Variants in STK3 observed in about 807,000 individuals in gnomAD.
The protein encoded by STK3 is serine/threonine kinase 3, also known as serine/threonine-protein kinase 3.
Under a neutral mutation model 58.0 loss-of-function variants are expected in STK3, and 41 were observed. That is an observed-to-expected ratio of 0.71 (90% CI 0.55 to 0.92). The LOEUF is 0.92. STK3 is among the 40% of genes least tolerant of loss of function. The pLI is 0.00. For missense variants in STK3, 479 were observed against 602.7 expected (o/e 0.79, Z 2.15); for synonymous variants, 170 against 191.0 (o/e 0.89, Z 0.91).
chr8:98,544,330 A>T (rs900748170), intron 9 of STK3, among the ~76,000 whole-genome samples: 1 of 152,164 alleles, frequency 6.6e-6, no homozygotes, highest in African/African-American at 2.4e-5. Flanking sequence ...AAGTTTGGGT[A>T]ATGTAATTTT....
chr8:98,784,488 A>T (rs991761874), intron 1 of STK3, among the ~76,000 whole-genome samples: 1 of 152,254 alleles, frequency 6.6e-6, no homozygotes, highest in African/African-American at 2.4e-5. Flanking sequence ...CCTGTGGTGC[A>T]GCAGGGCCCT....
intron 3 of STK3, among the ~76,000 whole-genome samples, chr8:98,420,556 G>A (rs917175234): frequency 2.0e-5 from 3 of 152,144 alleles, no homozygotes; most frequent in Non-Finnish European, 4.4e-5. Flanking sequence ...GATAAGGGGG[G>A]AATGCTGTAT....
At chr8:98,814,587 G>T (rs1266644500) in intron 1 of STK3, among the ~76,000 whole-genome samples, 1 of 152,012 alleles carries the variant, frequency 6.6e-6, no homozygotes, top group African/African-American at 2.4e-5. Flanking sequence ...GCCTGCTGCA[G>T]CCACAACCCC....
chr8:98,387,873 C>T (rs73701553), intron 1 of STK3, among the ~76,000 whole-genome samples: 10,247 of 134,594 alleles, frequency 0.076, 920 homozygotes, highest in African/African-American at 0.19. Context: ...GTAAAATGCC[C>T]TTTTTTTTTT....
intron 1 of STK3, among the ~76,000 whole-genome samples, chr8:98,931,872 T>A (rs774536314): frequency 6.6e-6 from 1 of 152,260 alleles, no homozygotes; most frequent in Non-Finnish European, 1.5e-5. Flanking sequence ...CCTTCACTAA[T>A]GAATGGTCCC....
chr8:98,898,095 G>A (rs1382414191), intron 1 of STK3, among the ~76,000 whole-genome samples: 2 of 152,214 alleles, frequency 1.3e-5, no homozygotes, highest in Non-Finnish European at 2.9e-5. Flanking sequence ...AGGTTTGCTA[G>A]GAGAAGAAGC....
chr8:98,351,416 T>C, the STK3 span, among the ~76,000 whole-genome samples: 2 of 152,162 alleles, frequency 1.3e-5, no homozygotes, highest in Non-Finnish European at 2.9e-5. Context: ...ATAATAATGA[T>C]GGTAGGATTA....
chr8:98,721,254 T>C (rs909869700), intron 4 of STK3: 1 of 337,262 alleles, frequency 3.0e-6, no homozygotes, highest in African/African-American at 2.2e-5. Flanking sequence ...GCAGGAAAGA[T>C]AGTTTCTAAT....
chr8:98,491,195 GA>G (rs1822668952), intron 10 of STK3, among the ~76,000 whole-genome samples: 1 of 148,556 alleles, frequency 6.7e-6, no homozygotes, highest in Non-Finnish European at 1.5e-5. Flanking sequence ...GAGAGAGAGA[GA>G]GAGACAGAGA....
At chr8:98,420,406 AGTTATT>A (rs1366353154) in intron 3 of STK3, among the ~76,000 whole-genome samples, 1 of 152,224 alleles carries the variant, frequency 6.6e-6, no homozygotes, top group Non-Finnish European at 1.5e-5. Flanking sequence ...TTCTATTATT[AGTTATT>A]GTTCATCTCT....
chr8:98,698,442 C>T (rs1250681325), intron 6 of STK3, among the ~76,000 whole-genome samples: 1 of 152,152 alleles, frequency 6.6e-6, no homozygotes, highest in African/African-American at 2.4e-5. Context: ...TTAGTTGATA[C>T]AGTTTCTTCC....
intron 3 of STK3, among the ~76,000 whole-genome samples, chr8:98,406,981 G>A (rs1242720063): frequency 6.6e-5 from 10 of 152,288 alleles, no homozygotes; most frequent in African/African-American, 2.4e-4. Context: ...ATGAACCAGT[G>A]CCTCCAGACA....
chr8:98,732,866 CT>C lies in STK3; in HGVS notation c.351+16409del, dbSNP rs574833053. On this transcript the variant is annotated intron_variant, in intron 4 of 10. Coordinates refer to ENST00000419617, the MANE Select transcript of STK3 (RefSeq NM_006281.4). Reference sequence around the variant, plus strand: ...AAAGGGATAAAAGATGCATACATTGCTTTTTTCAAAATAACAAAAAAAGAAA... The same window carrying C: ...AAAGGGATAAAAGATGCATACATTGCTTTTTCAAAATAACAAAAAAAGAAA... Among the ~76,000 whole-genome samples the C allele has an allele frequency of 6.3e-3, 959 of 152,072 alleles. 13 individuals carry two copies. Among genetic ancestry groups the C allele is most frequent in the African/African-American group, 0.021 (870 of 41,508 alleles).
intron 2 of STK3, among the ~76,000 whole-genome samples, chr8:98,435,948 C>T (rs1005127627): frequency 1.3e-5 from 2 of 152,196 alleles, no homozygotes; most frequent in Non-Finnish European, 2.9e-5. Context: ...GTGATCTCTA[C>T]TGGCGACCTT....
intron 3 of STK3, among the ~76,000 whole-genome samples, chr8:98,417,636 G>C (rs1818130056): frequency 6.6e-6 from 1 of 152,190 alleles, no homozygotes; most frequent in Non-Finnish European, 1.5e-5. Context: ...CAACCTTTCT[G>C]TGCCTGTTTC....
intron 10 of STK3, among the ~76,000 whole-genome samples, chr8:98,512,054 T>C (rs1176364367): frequency 1.3e-5 from 2 of 152,208 alleles, no homozygotes; most frequent in East Asian, 3.9e-4. Context: ...ATGTGTCATG[T>C]TGGTGTGCTG....
intron 4 of STK3, 33 bp downstream of exon 4, chr8:98,749,243 A>G (rs1233713799): frequency 1.4e-6 from 2 of 1,426,306 alleles, no homozygotes; most frequent in Non-Finnish European, 2.0e-6. Flanking sequence ...ATCTTTAGAA[A>G]TGATATTAGC....
Position 98,548,116 on chromosome 8 carries a change from C to G in STK3, c.994G>C (p.Glu332Gln). ...DSHTMVKTSVESVGTMRATST... is the reference protein window; with the variant it reads ...DSHTMVKTSVQSVGTMRATST... ...GTGGCCCGCATGGTGCCCACACTCTCCACACTAGTCTTCACCATGGTGTGG... is the reference window on the plus strand; with the variant it reads ...GTGGCCCGCATGGTGCCCACACTCTGCACACTAGTCTTCACCATGGTGTGG... Residue 332 changes from glutamate (E) to glutamine (Q), a missense_variant, in exon 9 of 11, where the codon GAG becomes CAG. Physicochemically the swap from Glu to Gln is conservative, Grantham distance 29. Coordinates refer to ENST00000419617, the MANE Select transcript of STK3 (RefSeq NM_006281.4). 3 of 1,597,898 alleles carry G rather than the reference C, an allele frequency of 1.9e-6. No homozygotes were observed. The highest frequency in any genetic ancestry group is 2.6e-6 in the Non-Finnish European group (3 of 1,172,906).
intron 3 of STK3, among the ~76,000 whole-genome samples, chr8:98,860,520 C>T (rs965128570): frequency 2.0e-5 from 3 of 152,186 alleles, no homozygotes; most frequent in African/African-American, 7.2e-5. Flanking sequence ...GGAAGAAGAC[C>T]TTGTTCTTCC....
Sources: allele counts gnomAD v4.1 joint callset (sites outside exome capture counted in the v4.1 genomes callset), GRCh38; gene constraint gnomAD v4.1.1; transcripts MANE v1.5; gene names NCBI Gene and HGNC (gene_info 2026-07-23, HGNC 2026-07-21).